The following CTNNA3 variants were observed in gnomAD, a reference collection of about 807,000 sequenced individuals.
The protein encoded by CTNNA3 is catenin alpha-3.
In CTNNA3, 76 loss-of-function variants were observed where a neutral mutation model predicts 95.7. The observed-to-expected ratio is 0.79, with a 90% CI of 0.66 to 0.96. The LOEUF (loss-of-function observed/expected upper bound fraction) is 0.96, where lower values mean the gene tolerates loss of function less well. Ranked by LOEUF, CTNNA3 falls within the 40% of genes least tolerant of loss-of-function variation. The pLI is 0.00. For missense variants in CTNNA3, 1,191 were observed against 1,089.8 expected (o/e 1.09, Z -1.31); for synonymous variants, 431 against 374.4 (o/e 1.15, Z -1.74).
chr10:67,010,379 T>C (rs1416831555), intron 7 of CTNNA3, among the ~76,000 whole-genome samples: 1 of 152,086 alleles, frequency 6.6e-6, no homozygotes, highest in Non-Finnish European at 1.5e-5. Flanking sequence ...TATAAAAGGG[T>C]TTATCATTTA....
At chr10:66,610,531 T>G (rs939734557) in intron 10 of CTNNA3, among the ~76,000 whole-genome samples, 3 of 152,094 alleles carry the variant, frequency 2.0e-5, no homozygotes, top group African/African-American at 7.2e-5. Flanking sequence ...GACATAAGAA[T>G]GTTCAACATA....
At chr10:67,526,504 T>C (rs1840150953) in intron 4 of CTNNA3, among the ~76,000 whole-genome samples, 1 of 152,220 alleles carries the variant, frequency 6.6e-6, no homozygotes, top group Non-Finnish European at 1.5e-5. Flanking sequence ...TGCCATTTAA[T>C]AACTGCATCA....
chr10:66,309,517 C>T (rs904464211), intron 12 of CTNNA3, among the ~76,000 whole-genome samples: 5 of 150,740 alleles, frequency 3.3e-5, no homozygotes, highest in African/African-American at 1.2e-4. Context: ...ACTGTGAAAC[C>T]CCATCTACCA....
chr10:67,510,881 G>C (rs1839604250), intron 5 of CTNNA3, among the ~76,000 whole-genome samples: 1 of 152,144 alleles, frequency 6.6e-6, no homozygotes, highest in African/African-American at 2.4e-5. Flanking sequence ...GCAGTGGTTT[G>C]TAGTTCTCCT....
chr10:66,221,080 G>A (rs559371285), intron 13 of CTNNA3, among the ~76,000 whole-genome samples: 8 of 152,304 alleles, frequency 5.3e-5, no homozygotes, highest in South Asian at 2.1e-4. Context: ...AAAAGAAGCT[G>A]TAAGTGTGTC....
At chr10:66,358,982 C>T (rs762108046) in intron 12 of CTNNA3, among the ~76,000 whole-genome samples, 4 of 152,308 alleles carry the variant, frequency 2.6e-5, no homozygotes, top group Admixed American at 6.5e-5. Flanking sequence ...AAGAATCCCA[C>T]TATTTAATAT....
At chr10:67,257,021 G>A (rs533350795) in intron 5 of CTNNA3, among the ~76,000 whole-genome samples, 1 of 152,098 alleles carries the variant, frequency 6.6e-6, no homozygotes, top group South Asian at 2.1e-4. Context: ...AGAAACACTT[G>A]CTTACTCATA....
intron 1 of CTNNA3, chr10:67,751,203 G>A (rs1841405125): frequency 1.6e-6 from 2 of 1,289,378 alleles, no homozygotes; most frequent in Admixed American, 3.4e-5. Context: ...CTCTCATTTG[G>A]AGGACTATCC....
intron 9 of CTNNA3, among the ~76,000 whole-genome samples, chr10:66,677,305 A>G (rs1371228626): frequency 6.6e-6 from 1 of 152,154 alleles, no homozygotes; most frequent in Non-Finnish European, 1.5e-5. Flanking sequence ...GTAGTGAAGA[A>G]TTAGCACTTT....
intron 9 of CTNNA3, among the ~76,000 whole-genome samples, chr10:66,763,485 A>AT (rs1839704475): frequency 6.6e-6 from 1 of 151,118 alleles, no homozygotes; most frequent in Non-Finnish European, 1.5e-5. Context: ...TGAAAAAAAA[A>AT]TTGTTACATC....
At chr10:66,525,874 G>C (rs1049225845) in intron 10 of CTNNA3, among the ~76,000 whole-genome samples, 1 of 152,122 alleles carries the variant, frequency 6.6e-6, no homozygotes, top group Middle Eastern at 3.4e-3. Flanking sequence ...GACTATTCTA[G>C]ATACTTCGTA....
Position 66,488,032 on chromosome 10 carries a change from C to G in CTNNA3, c.1531+32585G>C, listed in dbSNP as rs531332938. Among the ~76,000 whole-genome samples, 30 of 152,246 alleles carry G rather than the reference C, an allele frequency of 2.0e-4. No homozygotes were observed. The South Asian group carries it at 5.8e-3, about 30-fold the overall frequency. On this transcript the variant is annotated intron_variant, in intron 11 of 17. Transcript: ENST00000433211. ...TCAGCAGTCAGTCTGTGCTCATCCT[C>G]CCATAGCTCTGACACAAAATTATAC...
At chr10:66,923,534 G>C (rs1216693408) in intron 7 of CTNNA3, among the ~76,000 whole-genome samples, 1 of 152,162 alleles carries the variant, frequency 6.6e-6, no homozygotes, top group East Asian at 1.9e-4. Context: ...AAGTTGTCAA[G>C]CCCATTTGGG....
In CTNNA3 at chr10:66,407,316, A is replaced by G. The variant is rs191136346; in HGVS notation, c.1532-27964T>C. On this transcript the variant is annotated intron_variant, in intron 11 of 17. Coordinates refer to ENST00000433211, the MANE Select transcript of CTNNA3 (RefSeq NM_013266.4). ...AAAAACCTATATTTTAGTGACATTT[A>G]CTACTACTTTGCCACTCCACTTTTA... Among the ~76,000 whole-genome samples the G allele has an allele frequency of 2.7e-5, 4 of 148,944 alleles. No individual in the cohort carries two copies. In the East Asian group the frequency reaches 7.7e-4, roughly 29 times the overall value.
intron 7 of CTNNA3, among the ~76,000 whole-genome samples, chr10:67,101,915 G>A (rs1394514880): frequency 6.6e-6 from 1 of 151,328 alleles, no homozygotes; most frequent in East Asian, 1.9e-4. Flanking sequence ...TTATTCAACT[G>A]TATAAAAGAA....
At chr10:66,684,912 A>C (rs1335022470) in intron 9 of CTNNA3, among the ~76,000 whole-genome samples, 1 of 151,922 alleles carries the variant, frequency 6.6e-6, no homozygotes. Flanking sequence ...TGATTCTAAA[A>C]AAATTATCTT....
At chr10:67,697,902 T>C (rs1840998198), upstream of CTNNA3, among the ~76,000 whole-genome samples, 4 of 152,356 alleles carry the variant, frequency 2.6e-5, no homozygotes, top group South Asian at 8.3e-4. Flanking sequence ...TGTATTTGTA[T>C]CAGTTTGCTG....
At chr10:66,660,716 T>C (rs1846232273) in intron 9 of CTNNA3, among the ~76,000 whole-genome samples, 1 of 152,192 alleles carries the variant, frequency 6.6e-6, no homozygotes, top group Admixed American at 6.5e-5. Context: ...TTTAATTCTT[T>C]TCAGGTTTTT....
intron 9 of CTNNA3, among the ~76,000 whole-genome samples, chr10:66,658,167 C>T (rs1846132768): frequency 6.6e-6 from 1 of 151,926 alleles, no homozygotes; most frequent in African/African-American, 2.4e-5. Flanking sequence ...GTCTGGGAGA[C>T]CTGGGCTTGA....
Sources: gnomAD v4.1 joint callset for allele counts (sites outside exome capture counted in the v4.1 genomes callset) on GRCh38, gnomAD v4.1.1 for gene constraint, MANE v1.5 for transcripts, NCBI Gene and HGNC (gene_info 2026-07-23, HGNC 2026-07-21) for gene names.